Variants in ZNF536 observed in about 807,000 individuals in gnomAD.
The protein encoded by ZNF536 is zinc finger protein 536.
Under a neutral mutation model 84.5 loss-of-function variants are expected in ZNF536, and 13 were observed. That is an observed-to-expected ratio of 0.15 (90% CI 0.10 to 0.24). The LOEUF (loss-of-function observed/expected upper bound fraction) is 0.24, where lower values mean the gene tolerates loss of function less well. Among genes scored for constraint, ZNF536 ranks in the 10% least tolerant of loss-of-function variants. ZNF536 has a pLI of 1.00. For synonymous variants in ZNF536, 811 were observed against 742.5 expected (o/e 1.09, Z -1.50); for missense variants, 1,536 against 1,747.5 (o/e 0.88, Z 2.16).
chr19:30,621,634 T>C (rs928837251), intron 1 of ZNF536, among the ~76,000 whole-genome samples: 4 of 152,250 alleles, frequency 2.6e-5, no homozygotes, highest in African/African-American at 9.6e-5. Flanking sequence ...AAAGTAACTA[T>C]GTTTTTGTTT....
intron 1 of ZNF536, among the ~76,000 whole-genome samples, chr19:30,680,411 C>T (rs2050922040): frequency 9.2e-6 from 1 of 108,778 alleles, no homozygotes; most frequent in Non-Finnish European, 1.7e-5. Context: ...CCTCCCCCCA[C>T]CCCACAACAG....
In ZNF536 at chr19:30,444,627, C is replaced by T. The variant is rs2148191330; in HGVS notation, c.1065C>T (p.Ser355=). ...GCGAGGTGTGCGGTCAGGTGTTCAGCCAGGCGTGGTTCCTCAAGGGTCACA... is the reference window on the plus strand; with the variant it reads ...GCGAGGTGTGCGGTCAGGTGTTCAGTCAGGCGTGGTTCCTCAAGGGTCACA... ...FRCEVCGQVF[S]QAWFLKGHMR... Residue 355 remains serine (S), a synonymous_variant, in exon 2 of 5, where the codon AGC becomes AGT. Transcript: ENST00000355537. 2 of 1,613,940 alleles carry T rather than the reference C, an allele frequency of 1.2e-6. No individual in the cohort carries two copies. The highest frequency in any genetic ancestry group is 1.7e-6 in the Non-Finnish European group (2 of 1,180,050).
Position 30,557,278 on chromosome 19 carries a change from G to T in ZNF536, c.*114G>T. ...TCAAGAGAAGAATGTATACACATAT[G>T]TGTGTTGAATAATTACTATTGGCAT... On this transcript the variant is annotated 3_prime_UTR_variant, in exon 5 of 5. Transcript: ENST00000355537. 8.4e-7 allele frequency: 1 copy of T among 1,195,628 alleles called. No homozygotes were observed. The highest frequency in any genetic ancestry group is 1.2e-6 in the Non-Finnish European group (1 of 808,166). 74.1% of individuals were successfully genotyped at this position (1,195,628 alleles called of 1,614,324 possible).
intron 1 of ZNF536, among the ~76,000 whole-genome samples, chr19:30,245,919 G>T (rs1297228962): frequency 1.3e-5 from 2 of 152,222 alleles, no homozygotes; most frequent in East Asian, 3.8e-4. Context: ...TTGGAGTCAG[G>T]TTCTTTGTCG....
chr19:30,435,481 C>A (rs73022822), intron 1 of ZNF536, among the ~76,000 whole-genome samples: 4,050 of 150,304 alleles, frequency 0.027, 71 homozygotes, highest in Non-Finnish European at 0.041. Context: ...GCTGCTGCTG[C>A]TGATGATGAC....
chr19:30,364,692 A>G (rs1382010208), intron 3 of ZNF536, among the ~76,000 whole-genome samples: 3 of 152,210 alleles, frequency 2.0e-5, no homozygotes, highest in African/African-American at 4.8e-5. Context: ...AGGCAGTCCC[A>G]GCACGCTCTC....
intron 2 of ZNF536, among the ~76,000 whole-genome samples, chr19:30,502,930 G>A (rs35440297): frequency 0.11 from 16,634 of 152,052 alleles, 1,071 homozygotes; most frequent in Non-Finnish European, 0.15. Flanking sequence ...AGAAACACAG[G>A]GAGACCTAAA....
intron 1 of ZNF536, among the ~76,000 whole-genome samples, chr19:30,573,869 C>A (rs2046638102): frequency 6.6e-6 from 1 of 152,212 alleles, no homozygotes; most frequent in Admixed American, 6.5e-5. Flanking sequence ...AGGGGTTCAG[C>A]CCCTCCTGGA....
intron 2 of ZNF536, among the ~76,000 whole-genome samples, chr19:30,344,652 G>A (rs371812927): frequency 8.8e-5 from 13 of 147,444 alleles, no homozygotes; most frequent in African/African-American, 3.3e-4. Flanking sequence ...TCCCTCGCTT[G>A]GGCTGGAGCA....
intron 2 of ZNF536, among the ~76,000 whole-genome samples, chr19:30,290,853 C>A (rs1055471285): frequency 6.6e-6 from 1 of 152,126 alleles, no homozygotes; most frequent in Non-Finnish European, 1.5e-5. Flanking sequence ...CCCCACCCAC[C>A]AACAGGCCCT....
At chr19:30,340,923 T>A (rs1301281609) in intron 2 of ZNF536, among the ~76,000 whole-genome samples, 2 of 152,162 alleles carry the variant, frequency 1.3e-5, no homozygotes, top group African/African-American at 2.4e-5. Flanking sequence ...TCTCTTCTGC[T>A]GCTGTGCACT....
At chr19:30,257,488 GT>G (rs1370581691) in intron 1 of ZNF536, among the ~76,000 whole-genome samples, 4 of 152,112 alleles carry the variant, frequency 2.6e-5, no homozygotes, top group Non-Finnish European at 5.9e-5. Flanking sequence ...TTTTATTTAA[GT>G]TTTAGCTTAA....
chr19:30,499,831 G>A (rs961379349), intron 2 of ZNF536, among the ~76,000 whole-genome samples: 1 of 152,150 alleles, frequency 6.6e-6, no homozygotes, highest in South Asian at 2.1e-4. Context: ...TCCAGCAAGG[G>A]CTTGGTGGAA....
chr19:30,677,359 C>A (rs1301964385), intron 1 of ZNF536, among the ~76,000 whole-genome samples: 1 of 152,214 alleles, frequency 6.6e-6, no homozygotes, highest in Non-Finnish European at 1.5e-5. Context: ...TGGAGTTGGC[C>A]CTATCAATTT....
chr19:30,712,838 G>C (rs1219230611), exon 2 of ZNF536: 6 of 151,588 alleles, frequency 4.0e-5, no homozygotes, highest in African/African-American at 1.5e-4. Context: ...TAAGCTTTAG[G>C]ATTTTGACTG....
intron 1 of ZNF536, among the ~76,000 whole-genome samples, chr19:30,563,292 C>A (rs542879666): frequency 4.6e-5 from 7 of 152,188 alleles, no homozygotes; most frequent in Non-Finnish European, 8.8e-5. Flanking sequence ...GTGAACACAT[C>A]TGGAGGTCTG....
chr19:30,623,194 A>G lies in ZNF536; in HGVS notation c.169+73680A>G, dbSNP rs150949569. Among the ~76,000 whole-genome samples, 99 of 152,134 alleles carry G rather than the reference A, an allele frequency of 6.5e-4. 4 individuals carry two copies. In the East Asian group the frequency reaches 0.017, roughly 27 times the overall value. On this transcript the variant is annotated intron_variant, in intron 1 of 1. Transcript: ENST00000592773. ...GACTGCACCTTCAAAATACAGATAG[A>G]AAGAATAGCCTTTGCCATCTCCTTA...
intron 1 of ZNF536, among the ~76,000 whole-genome samples, chr19:30,673,997 C>G (rs912347194): frequency 6.6e-6 from 1 of 152,134 alleles, no homozygotes; most frequent in Non-Finnish European, 1.5e-5. Context: ...TCAATAATTC[C>G]CCATTTGAAT....
At chr19:30,630,949 G>C (rs563590812) in intron 1 of ZNF536, among the ~76,000 whole-genome samples, 36 of 152,340 alleles carry the variant, frequency 2.4e-4, no homozygotes, top group African/African-American at 7.9e-4. Flanking sequence ...AAAAAATTCA[G>C]TGGACAAAGG....
Sources: gnomAD v4.1 joint callset for allele counts (sites outside exome capture counted in the v4.1 genomes callset) on GRCh38, gnomAD v4.1.1 for gene constraint, MANE v1.5 for transcripts, NCBI Gene and HGNC (gene_info 2026-07-23, HGNC 2026-07-21) for gene names.